Variants in FAM228B observed in about 807,000 individuals in gnomAD.
FAM228B encodes family with sequence similarity 228 member B.
In FAM228B, 38 loss-of-function variants were observed where a neutral mutation model predicts 42.6. The ratio of observed to expected loss-of-function variants is 0.89; its 90% CI spans 0.69 to 1.17. The LOEUF (loss-of-function observed/expected upper bound fraction) is 1.17, where lower values mean the gene tolerates loss of function less well. Ranked by LOEUF, FAM228B falls within the 50% of genes most tolerant of loss-of-function variation. The pLI, the probability that FAM228B is intolerant of heterozygous loss-of-function variation, is 0.00. For synonymous variants in FAM228B, 109 were observed against 122.3 expected, an observed-to-expected ratio of 0.89 and a Z score of 0.72; for missense variants, 344 against 367.3, an observed-to-expected ratio of 0.94 and a Z score of 0.52.
rs756826462 is a variant in FAM228B, at chr2:24,084,355, G to GCAGGACAGGA, written c.-210+3405_-210+3414dup. 8 of 1,376,130 alleles carry GCAGGACAGGA rather than the reference G, an allele frequency of 5.8e-6. No homozygotes were observed. In the East Asian group the frequency reaches 2.1e-4, roughly 35 times the overall value. The allele number at this position is 1,376,130 out of a possible 1,614,324, so 85.2% of individuals were successfully genotyped here. A position where few individuals can be genotyped will look rare whatever the true frequency, so the allele number is the denominator to read the frequency against. On this transcript the variant is annotated intron_variant, in intron 2 of 10. Transcript: ENST00000613899. This position sits in a 1 kb window ranked among gnomAD's most constrained non-coding sequence, Gnocchi z 8.4. ...GTCTGAGGACACAGGGCAGGGCAGG[G>GCAGGACAGGA]CAGGACAGGACAGGGCAGGGCAGGG...
upstream of FAM228B, chr2:24,119,683 C>T: frequency 6.2e-7 from 1 of 1,604,218 alleles, no homozygotes; most frequent in African/African-American, 1.3e-5. Flanking sequence ...CAGTGTTCTC[C>T]TGTATAAAGA....
intron 2 of FAM228B, among the ~76,000 whole-genome samples, chr2:24,130,268 C>T (rs1022939311): frequency 1.3e-5 from 2 of 152,168 alleles, no homozygotes; most frequent in Admixed American, 1.3e-4. Flanking sequence ...CTGCAATAAA[C>T]ATACATGTGC....
At chr2:24,140,454 G>C (rs902913940) in intron 5 of FAM228B, among the ~76,000 whole-genome samples, 2 of 152,104 alleles carry the variant, frequency 1.3e-5, no homozygotes, top group Non-Finnish European at 2.9e-5. Flanking sequence ...TGGGATTACA[G>C]GCTTGAGCCA....
chr2:24,122,618 C>T (rs1666156704), upstream of FAM228B: 1 of 888,494 alleles, frequency 1.1e-6, no homozygotes, highest in South Asian at 1.4e-5. Flanking sequence ...TACAAATGTC[C>T]TTAAGACACT....
upstream of FAM228B, chr2:24,122,691 T>C: frequency 5.2e-6 from 3 of 577,986 alleles, no homozygotes; most frequent in South Asian, 7.3e-5. Flanking sequence ...CGGTGGTCCA[T>C]CATTCAGGGC....
chr2:24,168,690 T>C (rs555053026), intron 10 of FAM228B, among the ~76,000 whole-genome samples: 13 of 152,246 alleles, frequency 8.5e-5, no homozygotes, highest in Admixed American at 7.8e-4. Context: ...TATTATAACA[T>C]GTATGTTTCC....
At chr2:24,122,806 C>T (rs1666162433), upstream of FAM228B, 2 of 324,260 alleles carry the variant, frequency 6.2e-6, no homozygotes, top group East Asian at 1.1e-4. Context: ...GATTTTCTGG[C>T]TATGTCAATG....
chr2:24,158,667 A>G (rs919977385), intron 7 of FAM228B, among the ~76,000 whole-genome samples: 2 of 152,166 alleles, frequency 1.3e-5, no homozygotes, highest in African/African-American at 4.8e-5. Flanking sequence ...ATTTTTGGTA[A>G]TAAGAGTCTC....
chr2:24,159,710 T>C (rs1348916740), intron 7 of FAM228B, among the ~76,000 whole-genome samples: 2 of 152,202 alleles, frequency 1.3e-5, no homozygotes, highest in Non-Finnish European at 2.9e-5. Flanking sequence ...ATTTCTGGGA[T>C]CATTTTCCTT....
intron 3 of FAM228B, among the ~76,000 whole-genome samples, chr2:24,103,444 CAA>C (rs1665646515): frequency 6.6e-6 from 1 of 152,182 alleles, no homozygotes; most frequent in African/African-American, 2.4e-5. Flanking sequence ...ACCTCTGTTA[CAA>C]AAGATTGCCT....
In FAM228B at chr2:24,138,059, C is replaced by A; in HGVS notation, c.319C>A (p.Gln107Lys). Residue 107 changes from glutamine to lysine, a missense_variant, in exon 4 of 11, where the codon CAA becomes AAA. Coordinates refer to ENST00000615575, the MANE Select transcript of FAM228B (RefSeq NM_001145710.2). ...CSHKKIKKRR[Q>K]GELDGFLKHV... The stretch of plus-strand genomic sequence containing the variant: ...ACATAAGAAGATTAAAAAAAGGAGG[C>A]AAGGGGAATTAGATGGCTTTTTAAA... 6.5e-7 allele frequency: 1 copy of A among 1,538,858 alleles called. No homozygotes were observed. The highest frequency in any genetic ancestry group is 8.7e-7 in the Non-Finnish European group (1 of 1,144,130).
chr2:24,112,475 A>G (rs1276837881), intron 3 of FAM228B, among the ~76,000 whole-genome samples: 1 of 151,570 alleles, frequency 6.6e-6, no homozygotes, highest in Non-Finnish European at 1.5e-5. Flanking sequence ...TCATTTTTGT[A>G]TTTTTTAGTA....
intron 2 of FAM228B, among the ~76,000 whole-genome samples, chr2:24,134,247 GT>G (rs538927278): frequency 2.0e-5 from 3 of 152,124 alleles, no homozygotes; most frequent in Non-Finnish European, 4.4e-5. Flanking sequence ...AACAAAATTA[GT>G]GGGTGAATTC....
intron 7 of FAM228B, among the ~76,000 whole-genome samples, chr2:24,149,139 G>A (rs1666964306): frequency 6.6e-6 from 1 of 152,192 alleles, no homozygotes; most frequent in South Asian, 2.1e-4. Context: ...TGGACATTGA[G>A]GTTGCTTCCA....
chr2:24,104,507 C>T (rs1043363969), intron 3 of FAM228B, among the ~76,000 whole-genome samples: 8 of 152,226 alleles, frequency 5.3e-5, no homozygotes, highest in Non-Finnish European at 8.8e-5. Context: ...AGCCTGAACT[C>T]GGCCAGCCAC....
In FAM228B at chr2:24,161,630, A is replaced by T. The variant is rs1296459150; in HGVS notation, c.794+17A>T. 3 of 1,395,410 alleles carry T rather than the reference A, an allele frequency of 2.1e-6. No individual in the cohort carries two copies. The South Asian group carries it at 3.7e-5, about 17-fold the overall frequency. The allele number at this position is 1,395,410 out of a possible 1,614,324, so 86.4% of individuals were successfully genotyped here. A position where few individuals can be genotyped will look rare whatever the true frequency, so the allele number is the denominator to read the frequency against. ...TATTTACAAGTAAGTCTGTTCTTCC[A>T]TAGCTTTGCTCTTCTTTTGCTAAGA... On this transcript the variant is annotated intron_variant, in intron 8 of 10. Coordinates refer to ENST00000615575, the MANE Select transcript of FAM228B (RefSeq NM_001145710.2).
At position 24,137,957 on chromosome 2, in the gene FAM228B, A is replaced by C. The variant is rs1558386659; in HGVS notation, c.217A>C (p.Lys73Gln). 2 of 1,542,678 alleles carry C rather than the reference A, an allele frequency of 1.3e-6. No homozygotes were observed. The highest frequency in any genetic ancestry group is 4.1e-5 in the Admixed American group (2 of 48,396). Residue 73 changes from lysine to glutamine, a missense_variant, in exon 4 of 11, where the codon AAG becomes CAG. Transcript: ENST00000615575. ...QHHAFLNARRKEMLYKRWVDC... is the reference protein window; with the variant it reads ...QHHAFLNARRQEMLYKRWVDC... Reference sequence around the variant, plus strand: ...TCATGCCTTCTTAAATGCAAGAAGAAAGGAGATGTTATATAAAAGATGGGT... The same window carrying C: ...TCATGCCTTCTTAAATGCAAGAAGACAGGAGATGTTATATAAAAGATGGGT...
At chr2:24,166,266 G>A (rs1364352631) in intron 9 of FAM228B, among the ~76,000 whole-genome samples, 3 of 151,604 alleles carry the variant, frequency 2.0e-5, no homozygotes, top group African/African-American at 4.9e-5. Flanking sequence ...GAGTGTATTC[G>A]AGAAGTCATG....
chr2:24,153,377 C>T (rs1418133645), intron 7 of FAM228B, among the ~76,000 whole-genome samples: 1 of 152,180 alleles, frequency 6.6e-6, no homozygotes, highest in Non-Finnish European at 1.5e-5. Context: ...TGCTGGTTTT[C>T]AGGGCCCAAG....
Sources: allele counts gnomAD v4.1 joint callset (sites outside exome capture counted in the v4.1 genomes callset), GRCh38; gene constraint gnomAD v4.1.1; non-coding constraint Gnocchi (gnomAD v3.1); transcripts MANE v1.5; gene names NCBI Gene and HGNC (gene_info 2026-07-23, HGNC 2026-07-21).